The following SMIM45 variants were observed in gnomAD, a reference collection of about 807,000 sequenced individuals.
SMIM45 encodes the protein small integral membrane protein 45.
the SMIM45 span, among the ~76,000 whole-genome samples, chr22:41,954,025 C>T: frequency 1.3e-5 from 2 of 150,964 alleles, no homozygotes; most frequent in Admixed American, 1.3e-4. Context: ...GTAACAAGTA[C>T]CCAGGTGATA....
chr22:41,958,406 T>G, the SMIM45 span: 1 of 455,796 alleles, frequency 2.2e-6, no homozygotes, highest in South Asian at 1.5e-5. Context: ...CCCGCGGGGC[T>G]CAGGCTTGGA....
At chr22:41,953,940 C>T in the SMIM45 span, among the ~76,000 whole-genome samples, 9 of 146,822 alleles carry the variant, frequency 6.1e-5, no homozygotes, top group East Asian at 6.0e-4. Flanking sequence ...TTAATAGAGA[C>T]GGGGTTTCAC....
the SMIM45 span, among the ~76,000 whole-genome samples, chr22:41,957,181 CTTTTTTTTTT>C: frequency 0.016 from 933 of 59,294 alleles, 17 homozygotes; most frequent in Non-Finnish European, 0.022. Context: ...ACCACGTGGT[CTTTTTTTTTT>C]TTTTTTTTTT....
the SMIM45 span, chr22:41,958,507 A>AGAGAGAGAGAGAGT: frequency 2.5e-6 from 1 of 392,520 alleles, no homozygotes; most frequent in African/African-American, 2.2e-5. Context: ...AGAGAGAGAG[A>AGAGAGAGAGAGAGT]GTCTGGGGGG....
the SMIM45 span, among the ~76,000 whole-genome samples, chr22:41,948,604 C>G: frequency 3.9e-5 from 6 of 152,018 alleles, no homozygotes; most frequent in Admixed American, 3.9e-4. Context: ...GAAAGTCAAG[C>G]AGTAGTAGGC....
chr22:41,956,445 A>G, the SMIM45 span, among the ~76,000 whole-genome samples: 2 of 152,148 alleles, frequency 1.3e-5, no homozygotes, highest in Admixed American at 6.5e-5. Context: ...GGTCTCCTTC[A>G]ATGGGTGTTT....
the SMIM45 span, chr22:41,958,438 G>C: frequency 2.2e-6 from 1 of 455,196 alleles, no homozygotes; most frequent in South Asian, 1.6e-5. Flanking sequence ...TGTGTGGTGG[G>C]GGTATGCAGA....
the SMIM45 span, among the ~76,000 whole-genome samples, chr22:41,950,048 C>T: frequency 6.6e-6 from 1 of 151,800 alleles, no homozygotes; most frequent in Admixed American, 6.6e-5. Flanking sequence ...CGGGGGATTC[C>T]GAGTGGGTGG....
chr22:41,953,405 T>G, the SMIM45 span, among the ~76,000 whole-genome samples: 1 of 152,096 alleles, frequency 6.6e-6, no homozygotes. Context: ...TTCATCCTGC[T>G]CAGGTGCCTT....
chr22:41,958,506 GA>G, the SMIM45 span: 2 of 400,136 alleles, frequency 5.0e-6, no homozygotes, highest in Non-Finnish European at 1.0e-5. Context: ...GAGAGAGAGA[GA>G]GTCTGGGGGG....
the SMIM45 span, among the ~76,000 whole-genome samples, chr22:41,952,915 G>A: frequency 1.3e-5 from 2 of 152,120 alleles, no homozygotes; most frequent in Non-Finnish European, 2.9e-5. Flanking sequence ...ACACAGTTAA[G>A]TCACACAGGG....
the SMIM45 span, among the ~76,000 whole-genome samples, chr22:41,957,100 A>T: frequency 6.7e-6 from 1 of 149,654 alleles, no homozygotes; most frequent in Non-Finnish European, 1.5e-5. Flanking sequence ...TTAAAGGGTG[A>T]ATAGGAGCTG....
At chr22:41,954,287 A>G in the SMIM45 span, among the ~76,000 whole-genome samples, 1 of 148,232 alleles carries the variant, frequency 6.7e-6, no homozygotes, top group Admixed American at 6.9e-5. Flanking sequence ...GCTCACTGCA[A>G]ACTCCGCCTC....
At chr22:41,955,463 G>C in the SMIM45 span, among the ~76,000 whole-genome samples, 2 of 152,110 alleles carry the variant, frequency 1.3e-5, no homozygotes, top group Non-Finnish European at 2.9e-5. Context: ...ATAGGCATGA[G>C]CCATTGGCCT....
At chr22:41,951,654 G>A in the SMIM45 span, among the ~76,000 whole-genome samples, 1 of 152,344 alleles carries the variant, frequency 6.6e-6, no homozygotes, top group African/African-American at 2.4e-5. Flanking sequence ...CTTGCTGTGT[G>A]ACCATGAATA....
At chr22:41,949,732 C>T in the SMIM45 span, among the ~76,000 whole-genome samples, 1 of 152,206 alleles carries the variant, frequency 6.6e-6, no homozygotes, top group African/African-American at 2.4e-5. Flanking sequence ...AGACAAGGCA[C>T]TGCAGTTGGG....
At chr22:41,949,954 G>C in the SMIM45 span, among the ~76,000 whole-genome samples, 1 of 152,176 alleles carries the variant, frequency 6.6e-6, no homozygotes, top group Non-Finnish European at 1.5e-5. Context: ...CAAGCTGGCA[G>C]GGTCATCAGA....
At chr22:41,947,180 A>G in the SMIM45 span, 1 of 1,094,948 alleles carries the variant, frequency 9.1e-7, no homozygotes, top group Non-Finnish European at 1.4e-6. Flanking sequence ...GCCTCCTTAT[A>G]GGCGGGGCTT....
chr22:41,958,510 CTG>C, the SMIM45 span: 477 of 306,080 alleles, frequency 1.6e-3, 3 homozygotes, highest in African/African-American at 0.019. Context: ...GAGAGAGAGT[CTG>C]GGGGGAGCGG....
Sources: allele counts gnomAD v4.1 joint callset (sites outside exome capture counted in the v4.1 genomes callset), GRCh38; gene constraint gnomAD v4.1.1; transcripts MANE v1.5; gene names NCBI Gene and HGNC (gene_info 2026-07-23, HGNC 2026-07-21).